CELF2: variants seen among roughly 807,000 people sequenced by gnomAD.
The protein encoded by CELF2 is CUGBP Elav-like family member 2.
In CELF2, 8 loss-of-function variants were observed where a neutral mutation model predicts 62.6. The observed-to-expected ratio is 0.13, with a 90% CI of 0.07 to 0.23. The LOEUF (loss-of-function observed/expected upper bound fraction) is 0.23, where lower values mean the gene tolerates loss of function less well. Ranked by LOEUF, CELF2 falls within the 10% of genes least tolerant of loss-of-function variation. The probability of loss-of-function intolerance (pLI) is 1.00; values close to 1 mark genes in which losing one functional copy is unlikely to be tolerated. For synonymous variants in CELF2, 258 were observed against 250.0 expected, an observed-to-expected ratio of 1.03 and a Z score of -0.30; for missense variants, 333 against 671.0, an observed-to-expected ratio of 0.50 and a Z score of 5.56.
chr10:11,287,085 A>G (rs901101856), intron 8 of CELF2, among the ~76,000 whole-genome samples: 3 of 152,126 alleles, frequency 2.0e-5, no homozygotes, highest in Non-Finnish European at 2.9e-5. Flanking sequence ...TTGCTAGAAC[A>G]TTCTCTCATC....
chr10:10,926,953 G>A (rs1481770096), intron 2 of CELF2: 1 of 152,140 alleles, frequency 6.6e-6, no homozygotes, highest in Non-Finnish European at 1.5e-5. Context: ...TCTCTTCATT[G>A]TAGAGACATC....
chr10:10,777,269 G>A, the CELF2 span, among the ~76,000 whole-genome samples: 1 of 152,106 alleles, frequency 6.6e-6, no homozygotes, highest in African/African-American at 2.4e-5. Flanking sequence ...CATGCTCTGG[G>A]CCTACGTATA....
intron 2 of CELF2, among the ~76,000 whole-genome samples, chr10:10,975,812 G>A (rs369625460): frequency 8.5e-5 from 13 of 152,238 alleles, no homozygotes; most frequent in African/African-American, 3.1e-4. Context: ...AGCCAGTGGT[G>A]TGAGAGAGCA....
chr10:10,727,252 G>C, the CELF2 span, among the ~76,000 whole-genome samples: 1 of 152,184 alleles, frequency 6.6e-6, no homozygotes, highest in Non-Finnish European at 1.5e-5. Context: ...CCCTTTCAGG[G>C]AAAAATAAGA....
chr10:11,106,879 C>A (rs896795585), intron 1 of CELF2, among the ~76,000 whole-genome samples: 6 of 152,176 alleles, frequency 3.9e-5, no homozygotes, highest in African/African-American at 1.4e-4. Flanking sequence ...CTTCTCAGCT[C>A]AGACTTACTA....
rs914697622 is a variant in CELF2, at chr10:10,957,314, G to A, written c.89+37315G>A. Among the ~76,000 whole-genome samples the A allele has an allele frequency of 1.3e-5, 2 of 152,194 alleles. No individual in the cohort carries two copies. Among genetic ancestry groups the A allele is most frequent in the Non-Finnish European group, 2.9e-5 (2 of 68,042 alleles). On this transcript the variant is annotated intron_variant, in intron 2 of 13. Coordinates refer to the CELF2 transcript ENST00000636488. This position sits in a 1 kb window ranked among gnomAD's most constrained non-coding sequence, Gnocchi z 4.1. The stretch of plus-strand genomic sequence containing the variant: ...ACATTACAGGTAATGGTACATTAGC[G>A]CTGTGATTGAATTAACATTCTCTTT...
chr10:10,752,204 G>C, the CELF2 span, among the ~76,000 whole-genome samples: 1 of 152,174 alleles, frequency 6.6e-6, no homozygotes, highest in Non-Finnish European at 1.5e-5. Flanking sequence ...GATCTGGTCC[G>C]TGGACACTAC....
At chr10:10,816,939 G>C (rs551592622) in intron 1 of CELF2, among the ~76,000 whole-genome samples, 1 of 152,296 alleles carries the variant, frequency 6.6e-6, no homozygotes, top group South Asian at 2.1e-4. Context: ...CCTTAAGAAA[G>C]AAAATTACTG....
At chr10:10,631,015 A>G in the CELF2 span, among the ~76,000 whole-genome samples, 1 of 152,200 alleles carries the variant, frequency 6.6e-6, no homozygotes, top group African/African-American at 2.4e-5. Context: ...TGCCAATGTT[A>G]TACACCTTAA....
At chr10:11,274,982 A>C (rs1210874686) in intron 7 of CELF2, 75 bp from the exon 8 acceptor site, 2 of 1,392,048 alleles carry the variant, frequency 1.4e-6, no homozygotes, top group Non-Finnish European at 2.0e-6. Flanking sequence ...GAGTAAACTG[A>C]ATTTGTCCCC....
chr10:11,218,315 C>T (rs938435553), intron 3 of CELF2, among the ~76,000 whole-genome samples: 1 of 152,094 alleles, frequency 6.6e-6, no homozygotes, highest in Non-Finnish European at 1.5e-5. Context: ...TTTATTGAAA[C>T]CTAGTTTGAT....
At chr10:10,536,838 G>A in the CELF2 span, among the ~76,000 whole-genome samples, 46 of 152,326 alleles carry the variant, frequency 3.0e-4, no homozygotes, top group East Asian at 8.1e-3. Context: ...TCGGGCTGGA[G>A]GAACTACGGG....
At chr10:11,113,299 A>C (rs2055694966) in intron 1 of CELF2, among the ~76,000 whole-genome samples, 2 of 152,202 alleles carry the variant, frequency 1.3e-5, no homozygotes, top group South Asian at 4.1e-4. Flanking sequence ...GGTGTTTTAA[A>C]TTCACCGAGG....
the CELF2 span, among the ~76,000 whole-genome samples, chr10:10,748,090 G>T: frequency 1.3e-4 from 20 of 152,146 alleles, no homozygotes; most frequent in African/African-American, 4.8e-4. Context: ...ATAGGGTGGG[G>T]GGAATAAACA....
intron 1 of CELF2, among the ~76,000 whole-genome samples, chr10:11,031,547 A>G (rs2060116539): frequency 1.3e-5 from 2 of 152,228 alleles, no homozygotes; most frequent in South Asian, 2.1e-4. Flanking sequence ...AAACCATTTC[A>G]TACTGAACAT....
At chr10:10,760,471 C>T in the CELF2 span, among the ~76,000 whole-genome samples, 6 of 152,274 alleles carry the variant, frequency 3.9e-5, no homozygotes, top group South Asian at 4.1e-4. Context: ...AATTATTATT[C>T]GTGTATTTCC....
chr10:10,820,663 G>A (rs2056879483), intron 1 of CELF2, among the ~76,000 whole-genome samples: 1 of 152,134 alleles, frequency 6.6e-6, no homozygotes. Flanking sequence ...CTCTCACTCA[G>A]TTAGGGAAAT....
chr10:10,918,847 C>T (rs1262688416), intron 1 of CELF2, among the ~76,000 whole-genome samples: 1 of 151,856 alleles, frequency 6.6e-6, no homozygotes. Flanking sequence ...ACCATTGTTC[C>T]TAAGAATTCC....
At chr10:11,253,515 T>C (rs1279957180) in intron 4 of CELF2, among the ~76,000 whole-genome samples, 1 of 152,244 alleles carries the variant, frequency 6.6e-6, no homozygotes, top group Non-Finnish European at 1.5e-5. Flanking sequence ...TGGAGAGACT[T>C]ACAGATTTGG....
Sources: gnomAD v4.1 joint callset for allele counts (sites outside exome capture counted in the v4.1 genomes callset) on GRCh38, gnomAD v4.1.1 for gene constraint, Gnocchi (gnomAD v3.1) non-coding constraint, MANE v1.5 for transcripts, NCBI Gene and HGNC (gene_info 2026-07-23, HGNC 2026-07-21) for gene names.